LINGO2: variants seen among roughly 807,000 people sequenced by gnomAD.
The protein encoded by LINGO2 is leucine rich repeat and Ig domain containing 2, also known as leucine-rich repeat and immunoglobulin-like domain-containing nogo receptor-interacting protein 2.
In LINGO2, 14 loss-of-function variants were observed where a neutral mutation model predicts 30.6. The observed-to-expected ratio is 0.46, with a 90% CI of 0.30 to 0.72. LINGO2 has a LOEUF of 0.72. Ranked by LOEUF, LINGO2 falls within the 30% of genes least tolerant of loss-of-function variation. The pLI, the probability that LINGO2 is intolerant of heterozygous loss-of-function variation, is 0.07. For synonymous variants in LINGO2, 317 were observed against 288.5 expected (o/e 1.10, Z -1.00); for missense variants, 729 against 751.7 (o/e 0.97, Z 0.35).
intron 2 of LINGO2, among the ~76,000 whole-genome samples, chr9:28,460,941 C>T (rs1825056176): frequency 6.6e-6 from 1 of 152,038 alleles, no homozygotes; most frequent in South Asian, 2.1e-4. Context: ...TTAGTTCAAC[C>T]TAACTTTTTT....
At chr9:29,048,231 AAATTAAATACCTAGT>A in the LINGO2 span, among the ~76,000 whole-genome samples, 12 of 152,160 alleles carry the variant, frequency 7.9e-5, no homozygotes, top group South Asian at 2.5e-3. Flanking sequence ...GCCACACATA[AAATTAAATACCTAGT>A]AATTAACCAA....
chr9:28,055,803 GAT>G (rs1341433069), intron 4 of LINGO2, among the ~76,000 whole-genome samples: 1 of 152,052 alleles, frequency 6.6e-6, no homozygotes, highest in Non-Finnish European at 1.5e-5. Context: ...GAAGCCTATG[GAT>G]ATAGTTTTAT....
intron 4 of LINGO2, among the ~76,000 whole-genome samples, chr9:28,208,461 T>C (rs1820484345): frequency 6.6e-6 from 1 of 152,088 alleles, no homozygotes; most frequent in Admixed American, 6.6e-5. Flanking sequence ...GAAGCTAGAA[T>C]TATAACCTTT....
At chr9:28,572,067 T>A (rs1159504232) in intron 1 of LINGO2, among the ~76,000 whole-genome samples, 1 of 152,058 alleles carries the variant, frequency 6.6e-6, no homozygotes, top group Admixed American at 6.6e-5. Context: ...TACACCGTGC[T>A]GTCACCTGGA....
the LINGO2 span, among the ~76,000 whole-genome samples, chr9:28,764,977 T>A: frequency 6.6e-6 from 1 of 151,954 alleles, no homozygotes; most frequent in Non-Finnish European, 1.5e-5. Context: ...CATTATACTT[T>A]CATAAAGGAA....
chr9:29,148,463 T>G, the LINGO2 span, among the ~76,000 whole-genome samples: 2 of 152,190 alleles, frequency 1.3e-5, no homozygotes, highest in Non-Finnish European at 2.9e-5. Context: ...GTTACACTTT[T>G]GGTGTCTATG....
chr9:28,905,672 G>C, the LINGO2 span, among the ~76,000 whole-genome samples: 3 of 152,034 alleles, frequency 2.0e-5, no homozygotes, highest in Admixed American at 2.0e-4. Context: ...ATGTTGGTGA[G>C]AATGTAGACA....
intron 4 of LINGO2, among the ~76,000 whole-genome samples, chr9:28,232,419 CA>C (rs1220539550): frequency 0.024 from 1,896 of 79,720 alleles, 11 homozygotes; most frequent in Non-Finnish European, 0.033. Context: ...TTCTATCTCA[CA>C]AAAAAAAAAA....
At chr9:28,126,456 T>C (rs760329967) in intron 4 of LINGO2, among the ~76,000 whole-genome samples, 8 of 152,206 alleles carry the variant, frequency 5.3e-5, no homozygotes, top group Non-Finnish European at 1.0e-4. Context: ...TACCATCTTG[T>C]AGGGAATCTC....
At chr9:28,618,234 C>T (rs1224055572) in intron 1 of LINGO2, among the ~76,000 whole-genome samples, 2 of 152,134 alleles carry the variant, frequency 1.3e-5, no homozygotes, top group Non-Finnish European at 2.9e-5. Flanking sequence ...CTTTATTCTT[C>T]CCCATGTCAA....
chr9:28,308,573 T>C (rs1029153306), intron 3 of LINGO2, among the ~76,000 whole-genome samples: 1 of 144,758 alleles, frequency 6.9e-6, no homozygotes, highest in African/African-American at 2.5e-5. Flanking sequence ...AAGCCAAAAT[T>C]GACAAACGGG....
At chr9:28,730,319 T>C in the LINGO2 span, among the ~76,000 whole-genome samples, 2 of 152,198 alleles carry the variant, frequency 1.3e-5, no homozygotes, top group African/African-American at 4.8e-5. Context: ...ATGAGACTTA[T>C]CTGTTTAGGG....
At chr9:27,939,949 A>G in the LINGO2 span, 2 of 152,216 alleles carry the variant, frequency 1.3e-5, no homozygotes, top group Non-Finnish European at 2.9e-5. Flanking sequence ...TCACAATCAC[A>G]TAAAAGATTT....
intron 4 of LINGO2, among the ~76,000 whole-genome samples, chr9:28,136,211 T>C (rs1337651325): frequency 6.6e-6 from 1 of 152,238 alleles, no homozygotes; most frequent in Non-Finnish European, 1.5e-5. Context: ...GTGAGGCTAA[T>C]GGTGGTAGTG....
chr9:28,884,467 T>C, the LINGO2 span, among the ~76,000 whole-genome samples: 1 of 152,070 alleles, frequency 6.6e-6, no homozygotes, highest in Non-Finnish European at 1.5e-5. Flanking sequence ...AAGAATATAA[T>C]TTTGTTAGAA....
At chr9:28,991,964 G>A in the LINGO2 span, among the ~76,000 whole-genome samples, 25,362 of 152,014 alleles carry the variant, frequency 0.17, 2,207 homozygotes, top group East Asian at 0.28. Context: ...CAACTAACGA[G>A]CAAAATAACC....
At chr9:28,323,286 A>G (rs1436927318) in intron 3 of LINGO2, among the ~76,000 whole-genome samples, 1 of 152,218 alleles carries the variant, frequency 6.6e-6, no homozygotes, top group Non-Finnish European at 1.5e-5. Context: ...TGATATAACT[A>G]TATTTGCTCT....
At chr9:27,953,603 T>G (rs1819421808) in intron 5 of LINGO2, among the ~76,000 whole-genome samples, 1 of 152,116 alleles carries the variant, frequency 6.6e-6, no homozygotes, top group Non-Finnish European at 1.5e-5. Flanking sequence ...CAAGATCTGG[T>G]GGTTTTATAA....
the LINGO2 span, among the ~76,000 whole-genome samples, chr9:29,144,349 G>T: frequency 6.6e-6 from 1 of 152,020 alleles, no homozygotes; most frequent in Non-Finnish European, 1.5e-5. Context: ...AATTGCTTTG[G>T]GCAGGATGGT....
Sources: allele counts gnomAD v4.1 joint callset (sites outside exome capture counted in the v4.1 genomes callset), GRCh38; gene constraint gnomAD v4.1.1; transcripts MANE v1.5; gene names NCBI Gene and HGNC (gene_info 2026-07-23, HGNC 2026-07-21).